Variants in GALNT13 observed in about 807,000 individuals in gnomAD.
GALNT13 encodes UDP-GalNAc:polypeptide N-acetylgalactosaminyltransferase 13.
GALNT13 carries 28 observed loss-of-function variants against 64.2 expected under a neutral mutation model. The observed-to-expected ratio is 0.44, with a 90% confidence interval of 0.32 to 0.60. The LOEUF (loss-of-function observed/expected upper bound fraction) is 0.60, where lower values mean the gene tolerates loss of function less well. Ranked by LOEUF, GALNT13 falls within the 20% of genes least tolerant of loss-of-function variation. The pLI, the probability that GALNT13 is intolerant of heterozygous loss-of-function variation, is 0.05. For missense variants in GALNT13, 577 were observed against 669.8 expected (o/e 0.86, Z 1.53); for synonymous variants, 214 against 224.6 (o/e 0.95, Z 0.42).
chr2:153,329,571 C>A, the GALNT13 span, among the ~76,000 whole-genome samples: 3 of 152,108 alleles, frequency 2.0e-5, no homozygotes, highest in African/African-American at 4.8e-5. Context: ...CACTTGTGTG[C>A]CTTCTTTTGA....
the GALNT13 span, among the ~76,000 whole-genome samples, chr2:153,824,922 C>T: frequency 6.6e-6 from 1 of 152,238 alleles, no homozygotes; most frequent in South Asian, 2.1e-4. Context: ...GAGGTCTCCC[C>T]AGCCATGCCT....
chr2:153,223,612 TA>T, the GALNT13 span, among the ~76,000 whole-genome samples: 27 of 151,940 alleles, frequency 1.8e-4, no homozygotes, highest in African/African-American at 6.5e-4. Context: ...CAAAAGAAAT[TA>T]AAAAAATATG....
At chr2:153,583,906 C>T in the GALNT13 span, among the ~76,000 whole-genome samples, 1 of 152,162 alleles carries the variant, frequency 6.6e-6, no homozygotes, top group African/African-American at 2.4e-5. Context: ...CAAGCACCCA[C>T]TTCCTCTGGG....
rs1701439781 is a variant in GALNT13 at position 154,084,686 on chromosome 2, G to C, written c.143-55651G>C. ...TAATAGGGAAGCGTGTTAGTGCCCA[G>C]GTAAGATTTCATGCTAACAGTGCTG... On this transcript the variant is annotated intron_variant, in intron 3 of 12. Coordinates refer to ENST00000392825, the MANE Select transcript of GALNT13 (RefSeq NM_052917.4). 1.3e-5 allele frequency among the ~76,000 whole-genome samples: 2 copies of C among 151,928 alleles called. 1 individual carries two copies.
At chr2:153,261,870 G>A in the GALNT13 span, among the ~76,000 whole-genome samples, 1 of 152,078 alleles carries the variant, frequency 6.6e-6, no homozygotes, top group Admixed American at 6.6e-5. Context: ...CTATTGCCTG[G>A]CTACCACCAA....
intron 3 of GALNT13, among the ~76,000 whole-genome samples, chr2:154,109,253 CTTAA>C (rs1431963930): frequency 2.6e-5 from 4 of 151,866 alleles, no homozygotes; most frequent in Non-Finnish European, 4.4e-5. Context: ...TTTTCCTCTC[CTTAA>C]TTATTTCTTG....
At chr2:153,880,050 A>T (rs1056480582) in intron 1 of GALNT13, among the ~76,000 whole-genome samples, 2 of 152,162 alleles carry the variant, frequency 1.3e-5, no homozygotes, top group African/African-American at 4.8e-5. Flanking sequence ...AACCATATAT[A>T]CTTCAAATAC....
intron 3 of GALNT13, among the ~76,000 whole-genome samples, chr2:154,061,976 G>T (rs1700211916): frequency 6.6e-6 from 1 of 152,150 alleles, no homozygotes; most frequent in Non-Finnish European, 1.5e-5. Context: ...AACACAGTTT[G>T]ACTGAATGTA....
At chr2:153,924,542 A>C (rs2105343721) in intron 2 of GALNT13, among the ~76,000 whole-genome samples, 1 of 152,194 alleles carries the variant, frequency 6.6e-6, no homozygotes, top group Non-Finnish European at 1.5e-5. Flanking sequence ...TATCTTTATA[A>C]AAGAACAGTT....
At chr2:153,422,876 CAA>C in the GALNT13 span, among the ~76,000 whole-genome samples, 1 of 151,860 alleles carries the variant, frequency 6.6e-6, no homozygotes, top group African/African-American at 2.4e-5. Context: ...GCAAAACCAA[CAA>C]TGACTGAAAC....
chr2:154,399,885 T>C (rs1032243146), intron 10 of GALNT13, among the ~76,000 whole-genome samples: 1 of 152,164 alleles, frequency 6.6e-6, no homozygotes, highest in African/African-American at 2.4e-5. Context: ...ATGCCCTGCA[T>C]GGGTTATATG....
chr2:153,269,697 G>T, the GALNT13 span, among the ~76,000 whole-genome samples: 1 of 148,524 alleles, frequency 6.7e-6, no homozygotes. Flanking sequence ...TACTACCTGA[G>T]ACTGGGTAAT....
chr2:153,424,125 T>C, the GALNT13 span, among the ~76,000 whole-genome samples: 1 of 150,136 alleles, frequency 6.7e-6, no homozygotes, highest in Non-Finnish European at 1.5e-5. Flanking sequence ...TACCCACATA[T>C]ACATGGCTTG....
the GALNT13 span, among the ~76,000 whole-genome samples, chr2:153,682,513 A>G: frequency 6.6e-6 from 1 of 151,788 alleles, no homozygotes; most frequent in South Asian, 2.1e-4. Context: ...ACACTTTTCT[A>G]TCCTCACAAG....
chr2:153,972,443 T>C (rs1693802137), intron 3 of GALNT13, among the ~76,000 whole-genome samples: 1 of 152,114 alleles, frequency 6.6e-6, no homozygotes, highest in South Asian at 2.1e-4. Flanking sequence ...ATAAACAATT[T>C]ATAGTTCTAT....
At chr2:153,386,597 G>C in the GALNT13 span, among the ~76,000 whole-genome samples, 28 of 152,122 alleles carry the variant, frequency 1.8e-4, no homozygotes, top group African/African-American at 6.5e-4. Flanking sequence ...GTCACCCAGG[G>C]AGAAGCAAGA....
At chr2:154,350,330 G>A (rs771110126) in intron 9 of GALNT13, among the ~76,000 whole-genome samples, 8 of 152,166 alleles carry the variant, frequency 5.3e-5, no homozygotes, top group African/African-American at 7.2e-5. Context: ...AATAAAGCAG[G>A]CAGAAGAACG....
chr2:154,285,643 G>C (rs1353758503), intron 8 of GALNT13, among the ~76,000 whole-genome samples: 1 of 152,210 alleles, frequency 6.6e-6, no homozygotes, highest in Admixed American at 6.5e-5. Flanking sequence ...TTTGAAATCA[G>C]GAAATGTGAT....
chr2:153,387,853 G>C, the GALNT13 span, among the ~76,000 whole-genome samples: 1 of 152,164 alleles, frequency 6.6e-6, no homozygotes, highest in Non-Finnish European at 1.5e-5. Flanking sequence ...ATCATGTGTT[G>C]ATAGCAGTGT....
Sources: gnomAD v4.1 joint callset for allele counts (sites outside exome capture counted in the v4.1 genomes callset) on GRCh38, gnomAD v4.1.1 for gene constraint, MANE v1.5 for transcripts, NCBI Gene and HGNC (gene_info 2026-07-23, HGNC 2026-07-21) for gene names.